UNC5C: variants seen among roughly 807,000 people sequenced by gnomAD.
The protein encoded by UNC5C is unc-5 netrin receptor C, also known as netrin receptor UNC5C.
In UNC5C, 47 loss-of-function variants were observed where a neutral mutation model predicts 99.8. The observed-to-expected ratio is 0.47, with a 90% CI of 0.37 to 0.60. UNC5C has a LOEUF of 0.60. UNC5C is among the 20% of genes least tolerant of loss of function. The probability of loss-of-function intolerance (pLI) is 0.00; values close to 1 mark genes in which losing one functional copy is unlikely to be tolerated. For missense variants in UNC5C, 1,062 were observed against 1,165.9 expected (o/e 0.91, Z 1.30); for synonymous variants, 487 against 452.2 (o/e 1.08, Z -0.98).
intron 4 of UNC5C, among the ~76,000 whole-genome samples, chr4:95,265,723 T>C (rs568259562): frequency 2.0e-5 from 3 of 152,262 alleles, no homozygotes; most frequent in Admixed American, 2.0e-4. Flanking sequence ...AAAAAAACTT[T>C]TTTTTGTTAT....
intron 1 of UNC5C, among the ~76,000 whole-genome samples, chr4:95,369,115 TC>T (rs1296722605): frequency 6.6e-6 from 1 of 152,006 alleles, no homozygotes; most frequent in Non-Finnish European, 1.5e-5. Flanking sequence ...CACCTCGGCC[TC>T]CCAAAGTGCT....
rs574532435 is a variant in UNC5C at position 95,525,596 on chromosome 4, T to TAAAAAAAAAA, written c.124+23128_124+23137dup. On this transcript the variant is annotated intron_variant, in intron 1 of 15. Transcript: ENST00000453304. ...ATAGCAGTGTGCAAAGCCTATTTCT[T>TAAAAAAAAAA]AAAAAAAAAAAAAAAAAAAAAAGAC... Among the ~76,000 whole-genome samples the TAAAAAAAAAA allele has an allele frequency of 3.4e-4, 35 of 102,160 alleles. 2 individuals carry two copies. The highest frequency in any genetic ancestry group is 1.6e-3 in the East Asian group (5 of 3,150). 67.0% of individuals were successfully genotyped at this position (102,160 alleles called of 152,430 possible).
chr4:95,403,912 T>C (rs1019927978), intron 1 of UNC5C, among the ~76,000 whole-genome samples: 7 of 152,178 alleles, frequency 4.6e-5, no homozygotes, highest in African/African-American at 7.2e-5. Flanking sequence ...GAAAGCTACC[T>C]TGGGGGAAGG....
At chr4:95,181,842 C>T (rs886371666) in intron 14 of UNC5C, among the ~76,000 whole-genome samples, 1 of 152,332 alleles carries the variant, frequency 6.6e-6, no homozygotes, top group African/African-American at 2.4e-5. Context: ...GGAAGATGGT[C>T]TTTAAATATG....
chr4:95,206,077 T>C (rs1288908236), intron 11 of UNC5C, among the ~76,000 whole-genome samples: 18 of 151,588 alleles, frequency 1.2e-4, no homozygotes. Flanking sequence ...CTCAGCTCAC[T>C]GCAACCTCCG....
chr4:95,170,209 G>T lies in UNC5C; in HGVS notation c.2575C>A (p.Pro859Thr). 1.9e-6 allele frequency: 3 copies of T among 1,614,158 alleles called. No homozygotes were observed. Among genetic ancestry groups the T allele is most frequent in the Non-Finnish European group, 2.5e-6 (3 of 1,180,042 alleles). Residue 859 changes from proline (P) to threonine (T), a missense_variant, in exon 15 of 16, where the codon CCC (proline) becomes ACC (threonine). By Grantham distance (38) the Pro-to-Thr change is conservative (BLOSUM62 -1). Around this residue, in one of 3 missense-constraint regions of UNC5C, gnomAD observed 810 missense variants for 854.5 expected, o/e 0.95. Transcript: ENST00000453304. ...CTCCAGTCATGGCCTCTCGTCTGGGGGGCATCCAGGCTGCTACAGAGCTTC... is the reference window on the plus strand; with the variant it reads ...CTCCAGTCATGGCCTCTCGTCTGGGTGGCATCCAGGCTGCTACAGAGCTTC... The part of the protein sequence containing the change: ...RQKLCSSLDA[P>T]QTRGHDWRML...
chr4:95,459,893 C>T (rs1001430532), intron 1 of UNC5C, among the ~76,000 whole-genome samples: 10 of 152,136 alleles, frequency 6.6e-5, no homozygotes, highest in African/African-American at 2.2e-4. Context: ...GCATATTTGT[C>T]ACTCACTCAT....
chr4:95,186,147 G>A (rs556562649), intron 12 of UNC5C, among the ~76,000 whole-genome samples: 1 of 152,202 alleles, frequency 6.6e-6, no homozygotes, highest in Admixed American at 6.5e-5. Context: ...CCCTATGCAC[G>A]TTACTCCTCT....
intron 1 of UNC5C, among the ~76,000 whole-genome samples, chr4:95,546,684 A>G (rs1723078864): frequency 1.3e-5 from 2 of 152,210 alleles, no homozygotes; most frequent in South Asian, 2.1e-4. Flanking sequence ...TAACTTGCCT[A>G]CGCTACAAAA....
At chr4:95,477,074 G>A (rs891796262) in intron 1 of UNC5C, among the ~76,000 whole-genome samples, 1 of 152,190 alleles carries the variant, frequency 6.6e-6, no homozygotes, top group East Asian at 1.9e-4. Flanking sequence ...GAAATGGAAT[G>A]TTCATTTTAA....
intron 1 of UNC5C, among the ~76,000 whole-genome samples, chr4:95,420,887 A>G (rs1746299819): frequency 6.6e-6 from 1 of 152,204 alleles, no homozygotes; most frequent in Non-Finnish European, 1.5e-5. Context: ...ATCAAATTCT[A>G]TAAAATCATG....
At chr4:95,538,364 G>A (rs986243282) in intron 1 of UNC5C, among the ~76,000 whole-genome samples, 13 of 152,154 alleles carry the variant, frequency 8.5e-5, no homozygotes, top group African/African-American at 3.1e-4. Context: ...TTTTCCTCAA[G>A]TGTGTTGTTT....
chr4:95,217,667 A>G (rs969700594), intron 9 of UNC5C, among the ~76,000 whole-genome samples: 16 of 152,186 alleles, frequency 1.1e-4, no homozygotes, highest in African/African-American at 3.4e-4. Flanking sequence ...CCTTTATAAT[A>G]ATGCACATAT....
intron 1 of UNC5C, among the ~76,000 whole-genome samples, chr4:95,362,657 A>G (rs1744430013): frequency 1.3e-5 from 2 of 152,180 alleles, no homozygotes; most frequent in African/African-American, 2.4e-5. Context: ...TCACTGTTAT[A>G]TCATGTGACA....
chr4:95,229,461 C>CTT (rs528932570), intron 7 of UNC5C, among the ~76,000 whole-genome samples: 3 of 152,048 alleles, frequency 2.0e-5, no homozygotes, highest in African/African-American at 7.2e-5. Context: ...TGAACTCATC[C>CTT]TTTTTTTATG....
intron 1 of UNC5C, among the ~76,000 whole-genome samples, chr4:95,435,918 C>G (rs141139716): frequency 6.6e-6 from 1 of 151,948 alleles, no homozygotes; most frequent in South Asian, 2.1e-4. Context: ...TCCTATTTCC[C>G]CCACAAACTC....
At position 95,358,405 on chromosome 4, in the gene UNC5C, T is replaced by A. The variant is rs539469378; in HGVS notation, c.125-22774A>T. Among the ~76,000 whole-genome samples the A allele has an allele frequency of 7.2e-5, 11 of 152,320 alleles. No homozygotes were observed. In the South Asian group the frequency reaches 2.3e-3, roughly 32 times the overall value. ...TCCTTTTTGATGGAGCAAATGACAT[T>A]CTTCCAAAATTTATTATTTTGAAGG... On this transcript the variant is annotated intron_variant, in intron 1 of 15. Coordinates refer to ENST00000453304, the MANE Select transcript of UNC5C (RefSeq NM_003728.4).
chr4:95,492,614 A>C (rs1421288411), intron 1 of UNC5C, among the ~76,000 whole-genome samples: 1 of 151,428 alleles, frequency 6.6e-6, no homozygotes, highest in African/African-American at 2.4e-5. Flanking sequence ...CAAAAGGAAA[A>C]TGTAATAATT....
intron 1 of UNC5C, among the ~76,000 whole-genome samples, chr4:95,504,529 C>T (rs1721861293): frequency 6.6e-6 from 1 of 152,056 alleles, no homozygotes; most frequent in African/African-American, 2.4e-5. Flanking sequence ...AAATTATAAT[C>T]ATGATCAAGG....
Sources: allele counts gnomAD v4.1 joint callset (sites outside exome capture counted in the v4.1 genomes callset), GRCh38; gene constraint gnomAD v4.1.1; regional missense constraint gnomAD v4.1.1; transcripts MANE v1.5; gene names NCBI Gene and HGNC (gene_info 2026-07-23, HGNC 2026-07-21).